The following MAGI2 variants were observed in gnomAD, a reference collection of about 807,000 sequenced individuals.
The protein encoded by MAGI2 is membrane-associated guanylate kinase, WW and PDZ domain-containing protein 2.
MAGI2 carries 35 observed loss-of-function variants against 133.3 expected under a neutral mutation model. That is an observed-to-expected ratio of 0.26 (90% CI 0.20 to 0.35). The LOEUF (loss-of-function observed/expected upper bound fraction) is 0.35. Ranked by LOEUF, MAGI2 falls within the 10% of genes least tolerant of loss-of-function variation. The pLI, the probability that MAGI2 is intolerant of heterozygous loss-of-function variation, is 1.00. For synonymous variants in MAGI2, 729 were observed against 710.6 expected (o/e 1.03, Z -0.41); for missense variants, 1,636 against 1,863.4 (o/e 0.88, Z 2.25).
rs542788460 is a variant in MAGI2 at position 78,942,802 on chromosome 7, T to C, written c.418+64288A>G. ...TATCTCTGGCAATGTAAATGTTACATAGACTATAAGCTCATGAAAGAAGGG... is the reference window on the plus strand; with the variant it reads ...TATCTCTGGCAATGTAAATGTTACACAGACTATAAGCTCATGAAAGAAGGG... On this transcript the variant is annotated intron_variant, in intron 2 of 21. Coordinates refer to ENST00000354212, the MANE Select transcript of MAGI2 (RefSeq NM_012301.4). 3.4e-4 allele frequency among the ~76,000 whole-genome samples: 52 copies of C among 152,042 alleles called. 2 individuals are homozygous for C. The highest frequency in any genetic ancestry group is 6.8e-3 in the Middle Eastern group (2 of 294).
chr7:78,426,267 C>A (rs772939196), intron 6 of MAGI2, among the ~76,000 whole-genome samples: 1 of 152,150 alleles, frequency 6.6e-6, no homozygotes, highest in Non-Finnish European at 1.5e-5. Flanking sequence ...TAGGAAGCAT[C>A]CTATTTCAAT....
At position 78,714,400 on chromosome 7, in the gene MAGI2, C is replaced by T. The variant is rs1457204446; in HGVS notation, c.419-87161G>A. On this transcript the variant is annotated intron_variant, in intron 2 of 21. Transcript: ENST00000354212. ...GAGCCTCCAGTTCATCTAAGCTACTCGGTGCATGCCCAGACAGCAAGAAAA... is the reference window on the plus strand; with the variant it reads ...GAGCCTCCAGTTCATCTAAGCTACTTGGTGCATGCCCAGACAGCAAGAAAA... Among the ~76,000 whole-genome samples the T allele has an allele frequency of 2.0e-5, 3 of 152,164 alleles. No homozygotes were observed. In the South Asian group the frequency reaches 6.2e-4, roughly 31 times the overall value.
At chr7:78,169,247 A>C (rs1825895137) in intron 14 of MAGI2, among the ~76,000 whole-genome samples, 1 of 152,196 alleles carries the variant, frequency 6.6e-6, no homozygotes, top group Non-Finnish European at 1.5e-5. Flanking sequence ...CCTATAAACA[A>C]TTTTTCAAAC....
intron 3 of MAGI2, among the ~76,000 whole-genome samples, chr7:78,579,876 C>T (rs1025104465): frequency 1.3e-5 from 2 of 152,064 alleles, no homozygotes; most frequent in Admixed American, 6.6e-5. Flanking sequence ...TCTAAACTAC[C>T]CACTTGTCTG....
intron 9 of MAGI2, among the ~76,000 whole-genome samples, chr7:78,321,694 C>G (rs1788019767): frequency 6.6e-6 from 1 of 152,158 alleles, no homozygotes. Context: ...CAATACCATT[C>G]AGGACATAGG....
At chr7:78,823,456 G>A (rs1429189199) in intron 2 of MAGI2, among the ~76,000 whole-genome samples, 1 of 151,848 alleles carries the variant, frequency 6.6e-6, no homozygotes, top group Non-Finnish European at 1.5e-5. Context: ...GGTGGCGGGC[G>A]CCTGTAGTCC....
chr7:79,168,009 T>A (rs1269773480), intron 1 of MAGI2, among the ~76,000 whole-genome samples: 2 of 152,166 alleles, frequency 1.3e-5, no homozygotes, highest in Non-Finnish European at 2.9e-5. Context: ...ATGTTCCTGC[T>A]GCAGATAACT....
At chr7:79,237,937 CT>C (rs1832066922) in intron 1 of MAGI2, among the ~76,000 whole-genome samples, 1 of 152,130 alleles carries the variant, frequency 6.6e-6, no homozygotes, top group Admixed American at 6.5e-5. Context: ...GGAGGCTAAA[CT>C]TGAAGCTCTG....
At chr7:78,140,521 C>A (rs368416493) in intron 16 of MAGI2, among the ~76,000 whole-genome samples, 48 of 152,312 alleles carry the variant, frequency 3.2e-4, no homozygotes, top group African/African-American at 1.1e-3. Flanking sequence ...CAATCGATAG[C>A]ATAAACTCTC....
chr7:78,820,086 G>C (rs1400607676), intron 2 of MAGI2, among the ~76,000 whole-genome samples: 3 of 151,874 alleles, frequency 2.0e-5, no homozygotes, highest in Non-Finnish European at 4.4e-5. Context: ...TGTTAGTGGG[G>C]AGTCAAAAAC....
chr7:79,310,733 C>A (rs1310125955), intron 1 of MAGI2, among the ~76,000 whole-genome samples: 3 of 152,048 alleles, frequency 2.0e-5, no homozygotes, highest in African/African-American at 7.2e-5. Context: ...GTACCTGTGA[C>A]CCCATATCAA....
At chr7:79,074,199 C>T (rs1378229590) in intron 1 of MAGI2, among the ~76,000 whole-genome samples, 1 of 152,070 alleles carries the variant, frequency 6.6e-6, no homozygotes, top group Non-Finnish European at 1.5e-5. Flanking sequence ...GAAATAATAA[C>T]CAAAAAGAGA....
intron 9 of MAGI2, among the ~76,000 whole-genome samples, chr7:78,274,985 T>C (rs951727395): frequency 6.9e-6 from 1 of 144,940 alleles, no homozygotes; most frequent in African/African-American, 2.5e-5. Flanking sequence ...CACGTTCCAC[T>C]GGGGTATGAA....
intron 1 of MAGI2, among the ~76,000 whole-genome samples, chr7:79,215,971 G>A (rs891304219): frequency 2.0e-5 from 3 of 151,788 alleles, no homozygotes; most frequent in Non-Finnish European, 4.4e-5. Context: ...GGGTAGAAGT[G>A]GGTAGCTCCC....
intron 3 of MAGI2, among the ~76,000 whole-genome samples, chr7:78,525,837 G>A (rs952867266): frequency 1.3e-5 from 2 of 152,090 alleles, no homozygotes; most frequent in Admixed American, 6.5e-5. Context: ...CTGCTACAAC[G>A]TGCTAACCTG....
chr7:79,169,424 A>G (rs553497892), intron 1 of MAGI2, among the ~76,000 whole-genome samples: 2 of 152,268 alleles, frequency 1.3e-5, no homozygotes, highest in East Asian at 3.9e-4. Flanking sequence ...ATTTAACTAT[A>G]TAGATTTTCA....
intron 3 of MAGI2, among the ~76,000 whole-genome samples, chr7:78,582,299 G>C (rs999727924): frequency 3.3e-5 from 5 of 152,184 alleles, no homozygotes; most frequent in African/African-American, 1.2e-4. Flanking sequence ...GGAAGTGAAG[G>C]AGAATGGGAA....
At chr7:78,114,288 GA>G (rs1360303711) in intron 20 of MAGI2, among the ~76,000 whole-genome samples, 1 of 152,208 alleles carries the variant, frequency 6.6e-6, no homozygotes, top group Non-Finnish European at 1.5e-5. Context: ...TGAAATAAAT[GA>G]AGTAGATGTA....
At chr7:78,020,295 T>G (rs1377722539) in intron 21 of MAGI2, among the ~76,000 whole-genome samples, 2 of 152,186 alleles carry the variant, frequency 1.3e-5, no homozygotes, top group African/African-American at 4.8e-5. Flanking sequence ...CTGATAGTCC[T>G]GTATAGACAG....
Sources: gnomAD v4.1 joint callset for allele counts (sites outside exome capture counted in the v4.1 genomes callset) on GRCh38, gnomAD v4.1.1 for gene constraint, MANE v1.5 for transcripts, NCBI Gene and HGNC (gene_info 2026-07-23, HGNC 2026-07-21) for gene names.